The following TXNRD1 variants were observed in gnomAD, a reference collection of about 807,000 sequenced individuals.
TXNRD1 encodes the protein thioredoxin reductase 1, cytoplasmic.
In TXNRD1, 57 loss-of-function variants were observed where a neutral mutation model predicts 80.3. The observed-to-expected ratio is 0.71, with a 90% CI of 0.57 to 0.89. The LOEUF (loss-of-function observed/expected upper bound fraction) is 0.89. Among genes scored for constraint, TXNRD1 ranks in the 40% least tolerant of loss-of-function variants. The pLI, the probability that TXNRD1 is intolerant of heterozygous loss-of-function variation, is 0.00. For synonymous variants in TXNRD1, 291 were observed against 285.2 expected (o/e 1.02, Z -0.20); for missense variants, 730 against 803.0 (o/e 0.91, Z 1.10).
chr12:104,303,747 G>A, intron 4 of TXNRD1: 5 of 976,318 alleles, frequency 5.1e-6, no homozygotes, highest in Non-Finnish European at 4.3e-6. Flanking sequence ...GCATGGGCGG[G>A]CGTCCTCGGC....
chr12:104,278,541 A>G (rs28672133), intron 3 of TXNRD1, among the ~76,000 whole-genome samples: 1,530 of 101,816 alleles, frequency 0.015, 23 homozygotes, highest in African/African-American at 0.057. Context: ...TCACTCTGTC[A>G]CCCAGGCTGG....
At chr12:104,257,942 C>T (rs1464819670) in intron 2 of TXNRD1, 77 bp from the exon 3 acceptor site, 38 of 1,161,092 alleles carry the variant, frequency 3.3e-5, no homozygotes, top group Non-Finnish European at 4.6e-5. Context: ...AAGGAAGTAA[C>T]AAAGCTGGAT....
chr12:104,345,125 A>G (rs1023181909), intron 16 of TXNRD1, among the ~76,000 whole-genome samples: 12 of 152,268 alleles, frequency 7.9e-5, no homozygotes, highest in African/African-American at 2.2e-4. Flanking sequence ...TAGAAATTTT[A>G]ACAATAATTT....
intron 1 of TXNRD1, among the ~76,000 whole-genome samples, chr12:104,223,444 T>C (rs1026490967): frequency 2.0e-5 from 3 of 152,120 alleles, no homozygotes; most frequent in African/African-American, 7.2e-5. Flanking sequence ...CTTTTATGTA[T>C]AGAGTGAGAT....
intron 3 of TXNRD1, among the ~76,000 whole-genome samples, chr12:104,268,962 A>G (rs2033595642): frequency 1.6e-5 from 2 of 128,020 alleles, no homozygotes; most frequent in Non-Finnish European, 3.2e-5. Flanking sequence ...CTTTTTGCCC[A>G]GGCACTATCT....
chr12:104,341,665 C>T (rs989734350), intron 16 of TXNRD1, among the ~76,000 whole-genome samples: 1 of 144,298 alleles, frequency 6.9e-6, no homozygotes, highest in Non-Finnish European at 1.5e-5. Flanking sequence ...CTAGAAACAA[C>T]CAATTGTCTA....
At chr12:104,307,991 TTTTC>T (rs1296520139) in intron 4 of TXNRD1, among the ~76,000 whole-genome samples, 14 of 150,422 alleles carry the variant, frequency 9.3e-5, no homozygotes, top group Middle Eastern at 3.5e-3. Flanking sequence ...CTGTTTGCCC[TTTTC>T]TTTCTTTTTT....
intron 7 of TXNRD1, among the ~76,000 whole-genome samples, chr12:104,317,365 CTTTTTTTTTTT>C (rs68031758): frequency 8.6e-6 from 1 of 116,334 alleles, no homozygotes; most frequent in African/African-American, 3.2e-5. Context: ...TCTGCAGTTA[CTTTTTTTTTTT>C]TTTTTTTTTT....
intron 4 of TXNRD1, among the ~76,000 whole-genome samples, chr12:104,294,499 A>C (rs2034370037): frequency 6.6e-6 from 1 of 152,126 alleles, no homozygotes; most frequent in Non-Finnish European, 1.5e-5. Context: ...TTATTGAGTG[A>C]GGATTATCAT....
chr12:104,252,324 A>G lies in TXNRD1; in HGVS notation c.243+646A>G, dbSNP rs188557803. Among the ~76,000 whole-genome samples, 123 of 152,132 alleles carry G rather than the reference A, an allele frequency of 8.1e-4. 1 individual carries two copies. Among genetic ancestry groups the G allele is most frequent in the South Asian group, 1.2e-3 (6 of 4,822 alleles). On this transcript the variant is annotated intron_variant, in intron 2 of 16. Transcript: ENST00000525566. ...ACTTAGGGTACTACCAAATTTTGAT[A>G]AATATCTCTTCATGCTTTGGTTTAT... is the stretch of plus-strand genomic sequence containing the variant.
intron 4 of TXNRD1, among the ~76,000 whole-genome samples, chr12:104,311,057 A>G (rs2035115943): frequency 6.6e-6 from 1 of 152,244 alleles, no homozygotes; most frequent in African/African-American, 2.4e-5. Flanking sequence ...GTACTATACG[A>G]ACACTTCAAA....
chr12:104,271,546 G>A (rs951190240), intron 3 of TXNRD1, among the ~76,000 whole-genome samples: 61 of 152,302 alleles, frequency 4.0e-4, no homozygotes, highest in African/African-American at 1.5e-3. Flanking sequence ...GTGGGCAGGG[G>A]ATGGATCTCA....
chr12:104,255,712 G>A (rs1196790071), intron 2 of TXNRD1, among the ~76,000 whole-genome samples: 1 of 152,126 alleles, frequency 6.6e-6, no homozygotes, highest in African/African-American at 2.4e-5. Context: ...AGAATTGCTT[G>A]AACCCGGGAG....
chr12:104,312,592 T>C (rs1436415279), intron 5 of TXNRD1, among the ~76,000 whole-genome samples: 4 of 152,192 alleles, frequency 2.6e-5, no homozygotes, highest in Admixed American at 6.5e-5. Context: ...CCTTTGGAGG[T>C]CTAGTTGCCA....
At chr12:104,220,756 G>A (rs1336066501) in intron 1 of TXNRD1, among the ~76,000 whole-genome samples, 2 of 148,886 alleles carry the variant, frequency 1.3e-5, no homozygotes, top group South Asian at 2.1e-4. Flanking sequence ...GGGGGAGGCG[G>A]TATTTTAGAT....
At position 104,288,958 on chromosome 12, in the gene TXNRD1, T is replaced by G; in HGVS notation, c.332T>G (p.Leu111Arg). ...TEDGRALEGT[L>R]SELAAETDLP... ...GACGGTCGGGCCCTGGAAGGAACGC[T>G]CTCGGAATTGGCCGCGGAAACCGAT... Residue 111 changes from leucine (L) to arginine (R), a missense_variant, in exon 4 of 17, where the codon CTC becomes CGC. Transcript: ENST00000525566. 3.1e-6 allele frequency: 5 copies of G among 1,614,008 alleles called. No homozygotes were observed. Among genetic ancestry groups the G allele is most frequent in the Non-Finnish European group, 4.2e-6 (5 of 1,179,878 alleles).
At chr12:104,329,648 CA>C (rs879800615) in intron 13 of TXNRD1, among the ~76,000 whole-genome samples, 227 of 142,870 alleles carry the variant, frequency 1.6e-3, no homozygotes, top group Non-Finnish European at 2.5e-3. Context: ...ACCCTGTCTC[CA>C]AAAAAAAAAA....
intron 1 of TXNRD1, among the ~76,000 whole-genome samples, chr12:104,239,376 G>T (rs1014842128): frequency 6.6e-6 from 1 of 151,850 alleles, no homozygotes; most frequent in Non-Finnish European, 1.5e-5. Context: ...TGTCTTTTTA[G>T]TAGAGACAGG....
intron 4 of TXNRD1, 102 bp downstream of exon 4, chr12:104,289,142 A>G: frequency 7.1e-7 from 1 of 1,399,214 alleles, no homozygotes; most frequent in Non-Finnish European, 9.7e-7. Context: ...GACCCTCCAA[A>G]CGGGACGCAG....
Sources: gnomAD v4.1 joint callset for allele counts (sites outside exome capture counted in the v4.1 genomes callset) on GRCh38, gnomAD v4.1.1 for gene constraint, MANE v1.5 for transcripts, NCBI Gene and HGNC (gene_info 2026-07-23, HGNC 2026-07-21) for gene names.